PRKG1: variants seen among roughly 807,000 people sequenced by gnomAD.
PRKG1 encodes the protein protein kinase cGMP-dependent 1.
In PRKG1, 35 loss-of-function variants were observed where a neutral mutation model predicts 88.1. That is an observed-to-expected ratio of 0.40 (90% CI 0.30 to 0.53). The LOEUF is 0.53. Among genes scored for constraint, PRKG1 ranks in the 20% least tolerant of loss-of-function variants. The pLI is 0.59. For synonymous variants in PRKG1, 303 were observed against 292.5 expected (o/e 1.04, Z -0.37); for missense variants, 540 against 839.8 (o/e 0.64, Z 4.41).
rs573828353 is a variant in PRKG1, at chr10:51,490,190, C to T, written c.592+22354C>T. 2.1e-4 allele frequency among the ~76,000 whole-genome samples: 32 copies of T among 152,148 alleles called. 1 individual carries two copies. In the East Asian group the frequency reaches 5.8e-3, roughly 28 times the overall value. ...GATTTGAACAAAGTTACATGTATAG[C>T]AGAGAGGATTTTCTTTATGGTGTAA... On this transcript the variant is annotated intron_variant, in intron 3 of 17. Transcript: ENST00000373980.
intron 1 of PRKG1, among the ~76,000 whole-genome samples, chr10:51,127,196 T>A (rs138311918): frequency 8.7e-4 from 132 of 151,928 alleles, no homozygotes; most frequent in Middle Eastern, 3.4e-3. Context: ...TGGGAGAAAA[T>A]TTTTGCAATC....
chr10:51,390,302 C>G (rs1484107939), intron 2 of PRKG1, among the ~76,000 whole-genome samples: 3 of 152,166 alleles, frequency 2.0e-5, no homozygotes, highest in Non-Finnish European at 4.4e-5. Flanking sequence ...TTCAACTTTA[C>G]AGACAGGTTC....
chr10:51,610,932 G>C (rs560340974), intron 3 of PRKG1, among the ~76,000 whole-genome samples: 1 of 152,110 alleles, frequency 6.6e-6, no homozygotes, highest in South Asian at 2.1e-4. Context: ...AGGACAAATA[G>C]CTAATGCAAG....
At chr10:51,969,024 G>A (rs1843641421) in intron 5 of PRKG1, among the ~76,000 whole-genome samples, 1 of 151,930 alleles carries the variant, frequency 6.6e-6, no homozygotes, top group Non-Finnish European at 1.5e-5. Context: ...CAGCAGCAAT[G>A]ACAATAAAAT....
intron 1 of PRKG1, among the ~76,000 whole-genome samples, chr10:51,037,743 A>C (rs1843369203): frequency 6.6e-6 from 1 of 151,940 alleles, no homozygotes; most frequent in Non-Finnish European, 1.5e-5. Context: ...AGATCACACC[A>C]CTGCATTCCA....
intron 3 of PRKG1, among the ~76,000 whole-genome samples, chr10:51,489,625 A>G (rs935492097): frequency 6.6e-6 from 1 of 152,172 alleles, no homozygotes; most frequent in Admixed American, 6.6e-5. Flanking sequence ...TTTAAAGCCA[A>G]TAGATTTTAA....
chr10:52,016,931 T>A (rs1029444671), intron 5 of PRKG1, among the ~76,000 whole-genome samples: 1 of 152,134 alleles, frequency 6.6e-6, no homozygotes, highest in African/African-American at 2.4e-5. Flanking sequence ...AAAGGGTTAT[T>A]TTTTGAGCAG....
chr10:51,082,463 C>A (rs1844136814), intron 1 of PRKG1, among the ~76,000 whole-genome samples: 1 of 152,122 alleles, frequency 6.6e-6, no homozygotes, highest in African/African-American at 2.4e-5. Flanking sequence ...TACCACAAAC[C>A]AATTAAAATC....
At chr10:51,333,852 C>T (rs943151741) in intron 2 of PRKG1, among the ~76,000 whole-genome samples, 1 of 152,150 alleles carries the variant, frequency 6.6e-6, no homozygotes, top group Non-Finnish European at 1.5e-5. Flanking sequence ...TAACCTTAAT[C>T]ACCTTATTCT....
intron 1 of PRKG1, among the ~76,000 whole-genome samples, chr10:51,145,232 G>C (rs1287426799): frequency 6.6e-6 from 1 of 152,152 alleles, no homozygotes; most frequent in Admixed American, 6.5e-5. Flanking sequence ...GTGTATTCAT[G>C]CTGACCTTGT....
At chr10:52,006,841 A>G (rs1030595593) in intron 5 of PRKG1, among the ~76,000 whole-genome samples, 2 of 152,164 alleles carry the variant, frequency 1.3e-5, no homozygotes, top group South Asian at 2.1e-4. Context: ...CTCTAAGGTC[A>G]AAATGCAAGA....
chr10:51,023,658 A>T (rs918877404), intron 1 of PRKG1, among the ~76,000 whole-genome samples: 1 of 152,228 alleles, frequency 6.6e-6, no homozygotes, highest in Admixed American at 6.5e-5. Context: ...CAAAAAGCAG[A>T]TTAGAAGTAA....
In PRKG1 at chr10:51,923,537, T is replaced by A. The variant is rs192683425; in HGVS notation, c.762+15967T>A. On this transcript the variant is annotated intron_variant, in intron 5 of 17. Transcript: ENST00000373980. ...GCTAATACTAATTTTAGCATATTAC[T>A]TCTATTTCTTTTTTTTTTTAACATT... Among the ~76,000 whole-genome samples the A allele has an allele frequency of 4.1e-4, 61 of 147,828 alleles. No homozygotes were observed. In the East Asian group the frequency reaches 0.013, roughly 32 times the overall value.
chr10:51,911,016 T>TA (rs1242357378), intron 5 of PRKG1: 1 of 152,208 alleles, frequency 6.6e-6, no homozygotes, highest in Admixed American at 6.5e-5. Flanking sequence ...GCTGGTGGTT[T>TA]ATTGAAGTCA....
chr10:51,578,410 T>C (rs982100808), intron 3 of PRKG1, among the ~76,000 whole-genome samples: 9 of 152,188 alleles, frequency 5.9e-5, no homozygotes, highest in African/African-American at 2.2e-4. Context: ...TTTAAAGACA[T>C]TCTTCTGTCC....
intron 3 of PRKG1, among the ~76,000 whole-genome samples, chr10:51,670,650 G>A (rs1222971492): frequency 6.7e-6 from 1 of 148,382 alleles, no homozygotes; most frequent in Non-Finnish European, 1.5e-5. Context: ...GCAGGAGAAT[G>A]GCGTGAACCC....
At chr10:51,984,293 G>A in intron 5 of PRKG1, among the ~76,000 whole-genome samples, 1 of 152,180 alleles carries the variant, frequency 6.6e-6, no homozygotes, top group East Asian at 1.9e-4. Context: ...TAATTTTAAA[G>A]ATTGGCCAGT....
At chr10:51,746,567 CA>C (rs1168068361) in intron 3 of PRKG1, among the ~76,000 whole-genome samples, 2 of 151,590 alleles carry the variant, frequency 1.3e-5, no homozygotes, top group Non-Finnish European at 2.9e-5. Context: ...ACTAAAAATA[CA>C]AAAAATTAGC....
chr10:51,707,878 A>AT (rs1841648212), intron 3 of PRKG1, among the ~76,000 whole-genome samples: 1 of 152,196 alleles, frequency 6.6e-6, no homozygotes. Flanking sequence ...TCCAGTTTAA[A>AT]TTTACCTTCT....
Sources: gnomAD v4.1 joint callset for allele counts (sites outside exome capture counted in the v4.1 genomes callset) on GRCh38, gnomAD v4.1.1 for gene constraint, MANE v1.5 for transcripts, NCBI Gene and HGNC (gene_info 2026-07-23, HGNC 2026-07-21) for gene names.